FBXL17: variants seen among roughly 807,000 people sequenced by gnomAD.
The protein encoded by FBXL17 is F-box and leucine rich repeat protein 17.
A neutral mutation model predicts 66.2 loss-of-function variants in FBXL17; 22 were observed. That is an observed-to-expected ratio of 0.33 (90% CI 0.24 to 0.47). The LOEUF is 0.47. Among genes scored for constraint, FBXL17 ranks in the 20% least tolerant of loss-of-function variants. The probability of loss-of-function intolerance (pLI) is 1.00; values close to 1 mark genes in which losing one functional copy is unlikely to be tolerated. For synonymous variants in FBXL17, 474 were observed against 400.5 expected (o/e 1.18, Z -2.19); for missense variants, 878 against 948.2 (o/e 0.93, Z 0.97).
chr5:108,009,541 A>G (rs1754098701), intron 7 of FBXL17, among the ~76,000 whole-genome samples: 1 of 151,662 alleles, frequency 6.6e-6, no homozygotes, highest in African/African-American at 2.4e-5. Context: ...TGTCGACTCA[A>G]CACAATTGTT....
chr5:108,273,327 CTT>C (rs1580726381), intron 4 of FBXL17, among the ~76,000 whole-genome samples: 1 of 150,740 alleles, frequency 6.6e-6, no homozygotes, highest in East Asian at 2.0e-4. Flanking sequence ...TACCCTAAAA[CTT>C]AAAGTATAAT....
intron 4 of FBXL17, among the ~76,000 whole-genome samples, chr5:108,344,988 G>C (rs531342053): frequency 1.3e-5 from 2 of 152,098 alleles, no homozygotes; most frequent in Non-Finnish European, 2.9e-5. Context: ...CATGACACCT[G>C]TCTCACTCAA....
At chr5:108,037,106 TTC>T (rs1352281430) in intron 6 of FBXL17, among the ~76,000 whole-genome samples, 1 of 151,908 alleles carries the variant, frequency 6.6e-6, no homozygotes, top group East Asian at 1.9e-4. Flanking sequence ...TCTGCTGAAT[TTC>T]TCTCAGTAAA....
intron 7 of FBXL17, among the ~76,000 whole-genome samples, chr5:107,883,600 C>G (rs1748866460): frequency 1.3e-5 from 2 of 152,152 alleles, no homozygotes; most frequent in Admixed American, 1.3e-4. Context: ...GTCAACTTCT[C>G]AGAACTGATC....
At chr5:107,886,915 C>CAAAAAAA in intron 7 of FBXL17, among the ~76,000 whole-genome samples, 1 of 129,648 alleles carries the variant, frequency 7.7e-6, no homozygotes. Flanking sequence ...TAATGAAATA[C>CAAAAAAA]AAAAAAAAAA....
At chr5:108,352,580 G>A (rs1411001213) in intron 3 of FBXL17, among the ~76,000 whole-genome samples, 1 of 151,578 alleles carries the variant, frequency 6.6e-6, no homozygotes, top group African/African-American at 2.4e-5. Context: ...GTGTGATCTC[G>A]GCTCACTGCA....
chr5:108,178,895 A>T (rs1234036138), intron 6 of FBXL17, among the ~76,000 whole-genome samples: 2 of 152,230 alleles, frequency 1.3e-5, no homozygotes, highest in Admixed American at 6.5e-5. Flanking sequence ...TAACTTTAAA[A>T]GAAAACAAAA....
intron 6 of FBXL17, among the ~76,000 whole-genome samples, chr5:108,151,387 A>G (rs1156748662): frequency 6.6e-6 from 1 of 152,216 alleles, no homozygotes; most frequent in Non-Finnish European, 1.5e-5. Flanking sequence ...TCTGTCAATC[A>G]AACTCCTAAC....
chr5:108,102,792 A>C (rs184701051), intron 6 of FBXL17, among the ~76,000 whole-genome samples: 1 of 152,226 alleles, frequency 6.6e-6, no homozygotes, highest in Non-Finnish European at 1.5e-5. Flanking sequence ...GTGTGTCATT[A>C]ATGTTTAACC....
At chr5:107,866,781 T>G (rs974681977) in intron 8 of FBXL17, among the ~76,000 whole-genome samples, 1 of 152,184 alleles carries the variant, frequency 6.6e-6, no homozygotes, top group Admixed American at 6.5e-5. Context: ...GGGAAAATAT[T>G]TGACATCTGA....
intron 7 of FBXL17, among the ~76,000 whole-genome samples, chr5:107,952,278 A>C (rs1580240006): frequency 6.6e-6 from 1 of 152,302 alleles, no homozygotes; most frequent in East Asian, 1.9e-4. Flanking sequence ...CCTTGACAGA[A>C]TAGAAACTGA....
intron 4 of FBXL17, among the ~76,000 whole-genome samples, chr5:108,333,390 A>G (rs1357344450): frequency 2.0e-5 from 3 of 152,082 alleles, no homozygotes; most frequent in Non-Finnish European, 4.4e-5. Flanking sequence ...TTACTACGTT[A>G]AAAAATCACT....
intron 5 of FBXL17, among the ~76,000 whole-genome samples, chr5:108,206,353 C>A (rs1056766610): frequency 1.3e-5 from 2 of 152,130 alleles, no homozygotes; most frequent in African/African-American, 2.4e-5. Context: ...ATGACCAATG[C>A]GCTTTTCTTT....
rs553918948 is a variant in FBXL17 at position 108,044,858 on chromosome 5, A to G, written c.1746-23857T>C. ...TAAACTTAGCTGTTTTGTATTGGATAAGTTGTGGTAGCTTGTGTTTTTCAA... is the reference window on the plus strand; with the variant it reads ...TAAACTTAGCTGTTTTGTATTGGATGAGTTGTGGTAGCTTGTGTTTTTCAA... On this transcript the variant is annotated intron_variant, in intron 6 of 8. Coordinates refer to ENST00000542267, the MANE Select transcript of FBXL17 (RefSeq NM_001163315.3). 1.2e-4 allele frequency among the ~76,000 whole-genome samples: 19 copies of G among 152,198 alleles called. No individual in the cohort carries two copies. In the South Asian group the frequency reaches 3.9e-3, roughly 32 times the overall value.
At chr5:108,015,408 A>G (rs750869875) in intron 7 of FBXL17, among the ~76,000 whole-genome samples, 7 of 152,158 alleles carry the variant, frequency 4.6e-5, no homozygotes, top group Non-Finnish European at 7.4e-5. Flanking sequence ...CAACTATTAG[A>G]GTTATTCCTG....
At chr5:108,283,540 A>T (rs1316951084) in intron 4 of FBXL17, among the ~76,000 whole-genome samples, 1 of 151,982 alleles carries the variant, frequency 6.6e-6, no homozygotes, top group Non-Finnish European at 1.5e-5. Context: ...CTCAAGATGG[A>T]TTAAAGACTT....
At chr5:107,968,134 G>C (rs1197344975) in intron 7 of FBXL17, among the ~76,000 whole-genome samples, 1 of 152,090 alleles carries the variant, frequency 6.6e-6, no homozygotes, top group South Asian at 2.1e-4. Context: ...AGTAACAAGG[G>C]CAACAGCATC....
chr5:108,323,725 G>T (rs569285141), intron 4 of FBXL17, among the ~76,000 whole-genome samples: 1 of 151,982 alleles, frequency 6.6e-6, no homozygotes, highest in Non-Finnish European at 1.5e-5. Context: ...TACAAAAAGC[G>T]TAGTGCTGGC....
intron 6 of FBXL17, among the ~76,000 whole-genome samples, chr5:108,051,068 C>G (rs1747454468): frequency 6.6e-6 from 1 of 152,160 alleles, no homozygotes; most frequent in African/African-American, 2.4e-5. Flanking sequence ...AGACCAATAA[C>G]AAGTTTGAAA....
Sources: gnomAD v4.1 joint callset for allele counts (sites outside exome capture counted in the v4.1 genomes callset) on GRCh38, gnomAD v4.1.1 for gene constraint, MANE v1.5 for transcripts, NCBI Gene and HGNC (gene_info 2026-07-23, HGNC 2026-07-21) for gene names.